Variants in ATP2B2 observed in about 807,000 individuals in gnomAD.
ATP2B2 encodes the protein ATPase plasma membrane Ca2+ transporting 2, also known as plasma membrane calcium-transporting ATPase 2.
ATP2B2 carries 15 observed loss-of-function variants against 120.0 expected under a neutral mutation model. That is an observed-to-expected ratio of 0.12 (90% CI 0.08 to 0.19). ATP2B2 has a LOEUF of 0.19. Ranked by LOEUF, ATP2B2 falls within the 10% of genes least tolerant of loss-of-function variation. The probability of loss-of-function intolerance (pLI) is 1.00; values close to 1 mark genes in which losing one functional copy is unlikely to be tolerated. For missense variants in ATP2B2, 1,045 were observed against 1,719.8 expected (o/e 0.61, Z 6.94); for synonymous variants, 694 against 700.3 (o/e 0.99, Z 0.14).
At chr3:10,468,151 CT>C (rs2064830237) in intron 1 of ATP2B2, among the ~76,000 whole-genome samples, 1 of 152,238 alleles carries the variant, frequency 6.6e-6, no homozygotes. Flanking sequence ...GGCCACCCTG[CT>C]CCCCTCCTCT....
At position 10,402,582 on chromosome 3, in the gene ATP2B2, G is replaced by C. The variant is rs927486518; in HGVS notation, c.398-234C>G. ...GATGTGGAAGCTGAGGTTTCTCAGA[G>C]AGGTCAGGTGACTTGCCCAAGCAAT... On this transcript the variant is annotated intron_variant, in intron 3 of 22. Transcript: ENST00000360273. The surrounding 1 kb of genome is among the most constrained non-coding windows in gnomAD (Gnocchi z 4.9). 6.6e-6 allele frequency among the ~76,000 whole-genome samples: 1 copy of C among 152,278 alleles called. No homozygotes were observed. The highest frequency in any genetic ancestry group is 2.4e-5 in the African/African-American group (1 of 41,476).
chr3:10,640,931 G>A (rs1196131781), intron 1 of ATP2B2, among the ~76,000 whole-genome samples: 2 of 152,166 alleles, frequency 1.3e-5, no homozygotes, highest in South Asian at 4.1e-4. Flanking sequence ...AGCATGCCAC[G>A]TGGCTCTGTC....
chr3:10,552,420 G>A (rs992894808), intron 2 of ATP2B2, among the ~76,000 whole-genome samples: 3 of 152,246 alleles, frequency 2.0e-5, no homozygotes, highest in African/African-American at 7.2e-5. Flanking sequence ...GTGAGTGCTG[G>A]CCTGGCTCCT....
At chr3:10,401,533 A>G (rs2062219531) in intron 4 of ATP2B2, among the ~76,000 whole-genome samples, 2 of 151,968 alleles carry the variant, frequency 1.3e-5, no homozygotes, top group South Asian at 2.1e-4. Context: ...GGGCACTCCA[A>G]TCTCTCCCCT....
chr3:10,484,624 C>T (rs1482352248), intron 1 of ATP2B2, among the ~76,000 whole-genome samples: 1 of 152,180 alleles, frequency 6.6e-6, no homozygotes, highest in Non-Finnish European at 1.5e-5. Flanking sequence ...CACGTCCCAG[C>T]CCTGTCCCTG....
rs1180791106 is a variant in ATP2B2, at chr3:10,326,671, T to C, written c.*2143A>G. 1 of 399,066 alleles carries C rather than the reference T, an allele frequency of 2.5e-6. No homozygotes were observed. Among genetic ancestry groups the C allele is most frequent in the Non-Finnish European group, 4.4e-6 (1 of 226,066 alleles). 24.7% of individuals were successfully genotyped at this position (399,066 alleles called of 1,614,324 possible). On this transcript the variant is annotated 3_prime_UTR_variant, in exon 23 of 23. Transcript: ENST00000360273. ...CACATCTGAGGGCTGGTCACCCCTT[T>C]GGTTATGCAGTTCCTCTCCTGGATA... is the stretch of plus-strand genomic sequence containing the variant.
At chr3:10,606,612 T>C (rs545184573) in intron 2 of ATP2B2, among the ~76,000 whole-genome samples, 1 of 152,276 alleles carries the variant, frequency 6.6e-6, no homozygotes, top group South Asian at 2.1e-4. Context: ...TGGACGTGTG[T>C]GCAGCGGAGG....
At chr3:10,428,299 C>A (rs1303655144) in intron 2 of ATP2B2, among the ~76,000 whole-genome samples, 1 of 152,244 alleles carries the variant, frequency 6.6e-6, no homozygotes, top group African/African-American at 2.4e-5. Flanking sequence ...GGGTGAGCCA[C>A]AACTATGGTC....
intron 18 of ATP2B2, among the ~76,000 whole-genome samples, chr3:10,345,097 C>T (rs2060392961): frequency 1.3e-5 from 2 of 152,210 alleles, no homozygotes; most frequent in Non-Finnish European, 1.5e-5. Flanking sequence ...CCCTCTCCTG[C>T]CTCCTGCAGT....
At chr3:10,587,937 T>C (rs114750603) in intron 2 of ATP2B2, among the ~76,000 whole-genome samples, 1,929 of 152,326 alleles carry the variant, frequency 0.013, 40 homozygotes, top group East Asian at 0.081. Context: ...ATAAAAGTTT[T>C]ATTATATAAG....
intron 3 of ATP2B2, among the ~76,000 whole-genome samples, chr3:10,520,583 C>T (rs2066964756): frequency 6.6e-6 from 1 of 152,088 alleles, no homozygotes; most frequent in South Asian, 2.1e-4. Context: ...GATTCTTGTG[C>T]CTCAGCCTCC....
rs747175227 is a variant in ATP2B2, at chr3:10,371,959, C to T, written c.1509G>A (p.Thr503=). The T allele has an allele frequency of 2.5e-5, 40 of 1,614,092 alleles. No individual in the cohort carries two copies. The highest frequency in any genetic ancestry group is 1.6e-4 in the Middle Eastern group (1 of 6,082). Residue 503 remains threonine (T), a synonymous_variant, in exon 12 of 23, where the codon ACG becomes ACA. Transcript: ENST00000360273. ...ATAICSDKTG[T]LTTNRMTVVQ... The stretch of plus-strand genomic sequence containing the variant: ...CCACTGTCATGCGATTGGTGGTCAG[C>T]GTGCCTGTCTTGTCTGAGCAGATGG...
At chr3:10,694,365 C>T (rs546737796) in intron 1 of ATP2B2, among the ~76,000 whole-genome samples, 1 of 152,354 alleles carries the variant, frequency 6.6e-6, no homozygotes, top group South Asian at 2.1e-4. Flanking sequence ...AGACTGTTCT[C>T]ATCTCAGTAA....
chr3:10,641,365 A>G (rs2070166349), intron 1 of ATP2B2, among the ~76,000 whole-genome samples: 1 of 152,180 alleles, frequency 6.6e-6, no homozygotes. Context: ...ACTGCTGCAA[A>G]TGGAGAGTCT....
At chr3:10,687,782 A>T (rs2071559279) in intron 1 of ATP2B2, among the ~76,000 whole-genome samples, 1 of 152,034 alleles carries the variant, frequency 6.6e-6, no homozygotes, top group Non-Finnish European at 1.5e-5. Flanking sequence ...AATTGTTTGA[A>T]CCTGGGAAGT....
rs895166457 is a variant in ATP2B2 at position 10,329,297 on chromosome 3, C to T, written c.3421-172G>A. Among the ~76,000 whole-genome samples the T allele has an allele frequency of 1.9e-4, 29 of 151,904 alleles. No homozygotes were observed. The highest frequency in any genetic ancestry group is 1.4e-3 in the Admixed American group (22 of 15,246). On this transcript the variant is annotated intron_variant, in intron 22 of 22. Coordinates refer to ENST00000360273, the MANE Select transcript of ATP2B2 (RefSeq NM_001001331.4). This position sits in a 1 kb window ranked among gnomAD's most constrained non-coding sequence, Gnocchi z 5.9. Reference sequence around the variant, plus strand: ...ATGGGGGAGAGTGAAAAAGGGGGCTCAGGTTATAGGCATCCTTGAGCTGGT... The same window carrying T: ...ATGGGGGAGAGTGAAAAAGGGGGCTTAGGTTATAGGCATCCTTGAGCTGGT...
At chr3:10,607,431 G>T (rs2069116043) in intron 2 of ATP2B2, among the ~76,000 whole-genome samples, 1 of 152,174 alleles carries the variant, frequency 6.6e-6, no homozygotes, top group South Asian at 2.1e-4. Context: ...CCAAAGCCAG[G>T]CAGAGTCCCT....
At chr3:10,698,331 A>G (rs1042236997) in intron 1 of ATP2B2, among the ~76,000 whole-genome samples, 1 of 152,216 alleles carries the variant, frequency 6.6e-6, no homozygotes, top group Non-Finnish European at 1.5e-5. Context: ...CTTCTGGTTG[A>G]CAATGGCAGA....
chr3:10,496,776 G>T (rs1345738761), intron 1 of ATP2B2, among the ~76,000 whole-genome samples: 1 of 152,172 alleles, frequency 6.6e-6, no homozygotes, highest in South Asian at 2.1e-4. Flanking sequence ...GCTCCAAAAG[G>T]CTTGTTTCAA....
Sources: allele counts gnomAD v4.1 joint callset (sites outside exome capture counted in the v4.1 genomes callset), GRCh38; gene constraint gnomAD v4.1.1; non-coding constraint Gnocchi (gnomAD v3.1); transcripts MANE v1.5; gene names NCBI Gene and HGNC (gene_info 2026-07-23, HGNC 2026-07-21).